JCAD: variants seen among roughly 807,000 people sequenced by gnomAD.
The protein encoded by JCAD is junctional cadherin 5 associated, also known as junctional cadherin 5-associated protein.
Under a neutral mutation model 98.0 loss-of-function variants are expected in JCAD, and 40 were observed. That is an observed-to-expected ratio of 0.41 (90% CI 0.32 to 0.53). The LOEUF (loss-of-function observed/expected upper bound fraction) is 0.53. Ranked by LOEUF, JCAD falls within the 20% of genes least tolerant of loss-of-function variation. The pLI is 0.31. For missense variants in JCAD, 1,705 were observed against 1,738.1 expected, an observed-to-expected ratio of 0.98 and a Z score of 0.34; for synonymous variants, 691 against 682.3, an observed-to-expected ratio of 1.01 and a Z score of -0.20.
intron 1 of JCAD, among the ~76,000 whole-genome samples, chr10:30,081,684 A>C (rs1437593194): frequency 6.6e-6 from 1 of 152,106 alleles, no homozygotes; most frequent in East Asian, 1.9e-4. Flanking sequence ...CACTCACCTC[A>C]GCTTCCCAAA....
intron 2 of JCAD, among the ~76,000 whole-genome samples, chr10:30,069,527 AG>A (rs1837846027): frequency 6.6e-6 from 1 of 151,280 alleles, no homozygotes; most frequent in Non-Finnish European, 1.5e-5. Flanking sequence ...CAGAGGTTGC[AG>A]TGAGCTGAGA....
chr10:30,047,632 C>G lies in JCAD; in HGVS notation c.181G>C (p.Ala61Pro). 1 of 1,614,166 alleles carries G rather than the reference C, an allele frequency of 6.2e-7. No individual in the cohort carries two copies. The highest frequency in any genetic ancestry group is 8.5e-7 in the Non-Finnish European group (1 of 1,180,024). The part of the protein sequence containing the change: ...PAALAHRKTS[A>P]GKGHVSDSES... ...GAGTCACTCACATGTCCTTTCCCCGCGGACGTCTTACGATGTGCGAGGGCC... is the reference window on the plus strand; with the variant it reads ...GAGTCACTCACATGTCCTTTCCCCGGGGACGTCTTACGATGTGCGAGGGCC... The change falls in exon 2 of 4, where the codon GCG becomes CCG. Residue 61 changes from alanine (A) to proline (P), a missense_variant. Transcript: ENST00000375377.
chr10:30,029,476 T>C lies in JCAD; in HGVS notation c.672A>G (p.Gln224=), dbSNP rs760107572. Residue 224 remains glutamine, a synonymous_variant, in exon 3 of 4, where the codon CAA becomes CAG. Transcript: ENST00000375377. ...GCAGTGAGCGAGACTTCCCTTTGTT[T>C]TGAGAATTCAACACATGTTCTCCTT... is the stretch of plus-strand genomic sequence containing the variant. ...FIQGEHVLNS[Q]NKGKSRSLPR... is the part of the protein sequence containing the mutation. 2 of 1,614,200 alleles carry C rather than the reference T, an allele frequency of 1.2e-6. No homozygotes were observed. The highest frequency in any genetic ancestry group is 8.5e-7 in the Non-Finnish European group (1 of 1,180,034).
chr10:30,105,063 G>T (rs1838549152), intron 1 of JCAD, among the ~76,000 whole-genome samples: 1 of 152,140 alleles, frequency 6.6e-6, no homozygotes, highest in Non-Finnish European at 1.5e-5. Context: ...TGAGTTACTT[G>T]CTAGAAAGAG....
intron 1 of JCAD, among the ~76,000 whole-genome samples, chr10:30,054,675 C>CTTTTT (rs34992036): frequency 6.8e-6 from 1 of 146,628 alleles, no homozygotes; most frequent in Non-Finnish European, 1.5e-5. Context: ...GAAAATGCAT[C>CTTTTT]TTTTTTTTTT....
In JCAD at chr10:30,026,109, A is replaced by G; in HGVS notation, c.4039T>C (p.Cys1347Arg). The change falls in exon 3 of 4, where the codon TGC (cysteine) becomes CGC (arginine). Residue 1347 changes from cysteine to arginine, a missense_variant. Cys to Arg is a radical substitution (Grantham distance 180). Coordinates refer to ENST00000375377, the MANE Select transcript of JCAD (RefSeq NM_020848.4). Reference protein sequence around the residue: ...KEKSMDQDFWCPDSYDPSRVE... With the variant: ...KEKSMDQDFWRPDSYDPSRVE... The stretch of plus-strand genomic sequence containing the variant: ...TGTCTGCCTGATTCCTCACCTGGGC[A>G]CCAGAAGTCTTGATCCATGCTCTTC... 6.2e-7 allele frequency: 1 copy of G among 1,614,130 alleles called. No individual in the cohort carries two copies. The highest frequency in any genetic ancestry group is 2.2e-5 in the East Asian group (1 of 44,872).
At chr10:30,035,475 G>T (rs999071583) in intron 2 of JCAD, among the ~76,000 whole-genome samples, 3 of 152,220 alleles carry the variant, frequency 2.0e-5, no homozygotes, top group African/African-American at 7.2e-5. Flanking sequence ...CAAGGGCTGG[G>T]CTCTGACAGG....
chr10:30,087,466 A>C (rs762026442), intron 1 of JCAD, among the ~76,000 whole-genome samples: 2 of 152,108 alleles, frequency 1.3e-5, no homozygotes, highest in Non-Finnish European at 2.9e-5. Flanking sequence ...TAAAAATAAA[A>C]AATAAAAAAG....
chr10:30,097,464 G>A (rs1020332390), intron 1 of JCAD, among the ~76,000 whole-genome samples: 12 of 152,100 alleles, frequency 7.9e-5, no homozygotes, highest in African/African-American at 2.4e-4. Context: ...GAAAAGAGAC[G>A]CAGGGCCTGG....
At chr10:30,065,545 A>G (rs1272805976) in intron 2 of JCAD, among the ~76,000 whole-genome samples, 2 of 151,916 alleles carry the variant, frequency 1.3e-5, no homozygotes, top group Non-Finnish European at 2.9e-5. Context: ...TCTGTCATTG[A>G]GGCTGGAGGG....
At chr10:30,047,056 C>T (rs565188256) in intron 2 of JCAD, among the ~76,000 whole-genome samples, 194 of 152,264 alleles carry the variant, frequency 1.3e-3, no homozygotes, top group African/African-American at 4.4e-3. Context: ...CACTGCACTC[C>T]AGCCTGGGCA....
rs756684072 is a variant in JCAD at position 30,027,535 on chromosome 10, A to T, written c.2613T>A (p.Arg871=). The T allele has an allele frequency of 1.9e-6, 3 of 1,613,090 alleles. No homozygotes were observed. In the South Asian group the frequency reaches 3.3e-5, roughly 18 times the overall value. ...CCACATCCTCCTGTCTGCAGTGAGC[A>T]CGGTTCTCCTGCTGCGGCTCCGCCT... ...ESEAEPQQEN[R]AHCRQEDVGF... The change falls in exon 3 of 4, where the codon CGT becomes CGA. Residue 871 remains arginine (R), a synonymous_variant. Coordinates refer to ENST00000375377, the MANE Select transcript of JCAD (RefSeq NM_020848.4).
chr10:30,106,142 G>T (rs1225932749), intron 1 of JCAD, among the ~76,000 whole-genome samples: 2 of 152,134 alleles, frequency 1.3e-5, no homozygotes, highest in African/African-American at 4.8e-5. Flanking sequence ...AGAGATGCAG[G>T]CTGGGGGCAT....
At position 30,026,967 on chromosome 10, in the gene JCAD, C is replaced by G; in HGVS notation, c.3181G>C (p.Ala1061Pro). Residue 1061 changes from alanine to proline, a missense_variant, in exon 3 of 4, where the codon GCC becomes CCC. Physicochemically the swap from Ala to Pro is conservative, Grantham distance 27. Around this residue, in one of 3 missense-constraint regions of JCAD, gnomAD observed 1,278 missense variants for 1,243.1 expected, o/e 1.03. Coordinates refer to ENST00000375377, the MANE Select transcript of JCAD (RefSeq NM_020848.4). Reference sequence around the variant, plus strand: ...CCCAAAGACCCCTCTAGCTCACTGGCACCCTGTTCTTGCCCAGGGGTGAGC... The same window carrying G: ...CCCAAAGACCCCTCTAGCTCACTGGGACCCTGTTCTTGCCCAGGGGTGAGC... ...VGLTPGQEQG[A>P]SELEGSLGEA... 6.2e-7 allele frequency: 1 copy of G among 1,614,222 alleles called. No homozygotes were observed. Among genetic ancestry groups the G allele is most frequent in the Non-Finnish European group, 8.5e-7 (1 of 1,180,044 alleles).
chr10:30,056,851 A>G (rs924666793), intron 1 of JCAD, among the ~76,000 whole-genome samples: 1 of 152,186 alleles, frequency 6.6e-6, no homozygotes, highest in African/African-American at 2.4e-5. Context: ...TTTTCTAAAC[A>G]CCATTTAGTG....
At chr10:30,063,277 C>T (rs1837730050), upstream of JCAD, among the ~76,000 whole-genome samples, 3 of 152,264 alleles carry the variant, frequency 2.0e-5, no homozygotes, top group African/African-American at 7.2e-5. Context: ...GCCCTGGATG[C>T]CCAATGTCCC....
At chr10:30,051,913 T>A (rs1837479449) in intron 1 of JCAD, among the ~76,000 whole-genome samples, 1 of 152,234 alleles carries the variant, frequency 6.6e-6, no homozygotes, top group Non-Finnish European at 1.5e-5. Context: ...ATTGTTGGTT[T>A]GAGAAGATGA....
rs1836798563 is a variant in JCAD at position 30,026,388 on chromosome 10, C to T, written c.3760G>A (p.Ala1254Thr). ...ATTCTCATCAGGCGGTCAGGGTCTGCTCTCCTAGGCGGGGAGGCCAGTTTC... is the reference window on the plus strand; with the variant it reads ...ATTCTCATCAGGCGGTCAGGGTCTGTTCTCCTAGGCGGGGAGGCCAGTTTC... ...QEKLASPPRR[A>T]DPDRLMRMKE... is the part of the protein sequence containing the mutation. The change falls in exon 3 of 4, where the codon GCA becomes ACA. Residue 1254 changes from alanine to threonine, a missense_variant. Around this residue, in one of 3 missense-constraint regions of JCAD, gnomAD observed 1,278 missense variants for 1,243.1 expected, o/e 1.03. Transcript: ENST00000375377. 1.2e-6 allele frequency: 2 copies of T among 1,614,206 alleles called. No individual in the cohort carries two copies. Among genetic ancestry groups the T allele is most frequent in the East Asian group, 4.5e-5 (2 of 44,880 alleles).
chr10:30,108,048 C>T (rs1588659951), intron 1 of JCAD, among the ~76,000 whole-genome samples: 1 of 152,098 alleles, frequency 6.6e-6, no homozygotes, highest in South Asian at 2.1e-4. Flanking sequence ...TGCGGTGGCT[C>T]ACTCCTGTAA....
Sources: gnomAD v4.1 joint callset for allele counts (sites outside exome capture counted in the v4.1 genomes callset) on GRCh38, gnomAD v4.1.1 for gene constraint, gnomAD v4.1.1 regional missense constraint, MANE v1.5 for transcripts, NCBI Gene and HGNC (gene_info 2026-07-23, HGNC 2026-07-21) for gene names.